ADAMTSL1: variants seen among roughly 807,000 people sequenced by gnomAD.
ADAMTSL1 encodes the protein ADAMTS-like protein 1.
In ADAMTSL1, 126 loss-of-function variants were observed where a neutral mutation model predicts 201.8. That is an observed-to-expected ratio of 0.62 (90% confidence interval 0.54 to 0.72). The LOEUF is 0.72. Ranked by LOEUF, ADAMTSL1 falls within the 30% of genes least tolerant of loss-of-function variation. The pLI, the probability that ADAMTSL1 is intolerant of heterozygous loss-of-function variation, is 0.00. For missense variants in ADAMTSL1, 2,679 were observed against 2,277.8 expected (o/e 1.18, Z -3.59); for synonymous variants, 1,121 against 903.4 (o/e 1.24, Z -4.32).
chr9:18,617,030 A>G (rs1251683224), intron 4 of ADAMTSL1, among the ~76,000 whole-genome samples: 1 of 152,204 alleles, frequency 6.6e-6, no homozygotes, highest in Non-Finnish European at 1.5e-5. Flanking sequence ...AGATTTGCAC[A>G]GTTTAGTTTT....
rs1385407675 is a variant in ADAMTSL1, at chr9:18,908,607, C to T, written c.*59C>T. 22 of 1,311,556 alleles carry T rather than the reference C, an allele frequency of 1.7e-5. No individual in the cohort carries two copies. Among genetic ancestry groups the T allele is most frequent in the East Asian group, 2.5e-5 (1 of 39,638 alleles). 81.2% of individuals were successfully genotyped at this position (1,311,556 alleles called of 1,614,324 possible). On this transcript the variant is annotated 3_prime_UTR_variant, in exon 29 of 29. Transcript: ENST00000380548. ...ACACGAAGGACTCACGCAACCACCT[C>T]GGACAGAACCTAAGCTTTCTTCATT... is the stretch of plus-strand genomic sequence containing the variant.
chr9:18,482,980 A>G (rs1331635559), intron 1 of ADAMTSL1, among the ~76,000 whole-genome samples: 1 of 152,222 alleles, frequency 6.6e-6, no homozygotes, highest in Non-Finnish European at 1.5e-5. Context: ...GATAACAAAC[A>G]TGCTTTGAAA....
intron 2 of ADAMTSL1, among the ~76,000 whole-genome samples, chr9:18,424,395 C>T (rs1819106014): frequency 6.6e-6 from 1 of 152,118 alleles, no homozygotes; most frequent in South Asian, 2.1e-4. Flanking sequence ...TTATACAGTC[C>T]CCATGACAGC....
intron 1 of ADAMTSL1, among the ~76,000 whole-genome samples, chr9:18,030,815 A>G (rs7865493): frequency 0.59 from 89,715 of 151,814 alleles, 26,604 homozygotes; most frequent in African/African-American, 0.64. Flanking sequence ...CATAGGTTTG[A>G]TCTCTTTACA....
chr9:18,321,790 G>GT (rs976966412), intron 2 of ADAMTSL1, among the ~76,000 whole-genome samples: 2 of 152,004 alleles, frequency 1.3e-5, no homozygotes, highest in Admixed American at 6.6e-5. Context: ...GAGACTCCAT[G>GT]TCAAAAAAAC....
intron 9 of ADAMTSL1, among the ~76,000 whole-genome samples, chr9:18,672,368 T>C (rs1829876323): frequency 1.3e-5 from 2 of 152,198 alleles, no homozygotes; most frequent in Admixed American, 6.5e-5. Flanking sequence ...TACTTGAATA[T>C]TCTAATTGTT....
chr9:17,980,545 T>A (rs112395867), intron 1 of ADAMTSL1, among the ~76,000 whole-genome samples: 1,740 of 152,242 alleles, frequency 0.011, 12 homozygotes, highest in Middle Eastern at 0.048. Flanking sequence ...AACTGAATGT[T>A]TGTGTTCCCT....
rs1563780309 is a variant in ADAMTSL1 at position 18,766,444 on chromosome 9, G to T, written c.2218-4158G>T. 2.0e-5 allele frequency among the ~76,000 whole-genome samples: 3 copies of T among 152,144 alleles called. No homozygotes were observed. In the South Asian group the frequency reaches 6.2e-4, roughly 32 times the overall value. On this transcript the variant is annotated intron_variant, in intron 16 of 28. Transcript: ENST00000380548. ...TAGAGTGTAGAGAAGACAATATGGG[G>T]TTTCCAACAGGAGGAAGGAACTCTT... is the stretch of plus-strand genomic sequence containing the variant.
intron 1 of ADAMTSL1, among the ~76,000 whole-genome samples, chr9:18,480,431 A>T (rs1213710023): frequency 6.6e-6 from 1 of 152,190 alleles, no homozygotes; most frequent in Non-Finnish European, 1.5e-5. Context: ...TCATGACTCT[A>T]AGGAATGGCA....
chr9:18,578,867 T>C (rs1822905318), intron 4 of ADAMTSL1, among the ~76,000 whole-genome samples: 1 of 151,176 alleles, frequency 6.6e-6, no homozygotes, highest in Non-Finnish European at 1.5e-5. Flanking sequence ...TGTTCCTATT[T>C]CTCCACATCC....
At chr9:18,484,779 G>A (rs1821902385) in intron 1 of ADAMTSL1, among the ~76,000 whole-genome samples, 1 of 152,250 alleles carries the variant, frequency 6.6e-6, no homozygotes, top group South Asian at 2.1e-4. Context: ...CGATCAGTGG[G>A]TTTTGCCCAT....
intron 1 of ADAMTSL1, among the ~76,000 whole-genome samples, chr9:17,960,725 A>G (rs1330706098): frequency 1.3e-5 from 2 of 152,130 alleles, no homozygotes; most frequent in South Asian, 4.1e-4. Flanking sequence ...TCTTTTTAAC[A>G]TCTCGGTCTT....
chr9:18,646,198 A>T (rs977085706), intron 7 of ADAMTSL1, among the ~76,000 whole-genome samples: 10 of 151,700 alleles, frequency 6.6e-5, no homozygotes, highest in Admixed American at 4.6e-4. Context: ...TTTGTCTGTT[A>T]TTGGTGTATA....
intron 2 of ADAMTSL1, among the ~76,000 whole-genome samples, chr9:18,280,330 G>C (rs1215632697): frequency 2.0e-5 from 3 of 151,988 alleles, no homozygotes; most frequent in Admixed American, 6.5e-5. Flanking sequence ...AGGGCCTAAG[G>C]GGGTGGCTTG....
chr9:18,658,000 A>C (rs1828814346), intron 8 of ADAMTSL1, among the ~76,000 whole-genome samples: 1 of 138,888 alleles, frequency 7.2e-6, no homozygotes, highest in Admixed American at 7.6e-5. Flanking sequence ...TTTGAGACAG[A>C]GTCTCGCACT....
chr9:18,832,806 T>C (rs1402599916), intron 23 of ADAMTSL1, among the ~76,000 whole-genome samples: 1 of 152,216 alleles, frequency 6.6e-6, no homozygotes, highest in Non-Finnish European at 1.5e-5. Flanking sequence ...CCAGCCACTG[T>C]ATGTTTCCTC....
intron 3 of ADAMTSL1, among the ~76,000 whole-genome samples, chr9:18,550,980 G>C (rs1820767647): frequency 6.6e-6 from 1 of 151,810 alleles, no homozygotes; most frequent in African/African-American, 2.4e-5. Context: ...TAAATATTCA[G>C]TAACAGACTA....
chr9:18,536,651 A>T (rs59401514), intron 3 of ADAMTSL1, among the ~76,000 whole-genome samples: 2,906 of 152,196 alleles, frequency 0.019, 61 homozygotes, highest in African/African-American at 0.049. Context: ...AATCTTTCCC[A>T]TTTTACAGTT....
At chr9:18,753,557 C>G (rs1242580849) in intron 16 of ADAMTSL1, 49 bp downstream of exon 16, 1 of 1,557,126 alleles carries the variant, frequency 6.4e-7, no homozygotes, top group Non-Finnish European at 8.7e-7. Flanking sequence ...GCAACAGTGA[C>G]TCAAAAAAGG....
Sources: allele counts gnomAD v4.1 joint callset (sites outside exome capture counted in the v4.1 genomes callset), GRCh38; gene constraint gnomAD v4.1.1; transcripts MANE v1.5; gene names NCBI Gene and HGNC (gene_info 2026-07-23, HGNC 2026-07-21).